Variants in NKD1 observed in about 807,000 individuals in gnomAD.
The protein encoded by NKD1 is protein naked cuticle homolog 1.
Under a neutral mutation model 56.0 loss-of-function variants are expected in NKD1, and 21 were observed. The ratio of observed to expected loss-of-function variants is 0.38; its 90% CI spans 0.27 to 0.54. The LOEUF is 0.54. Ranked by LOEUF, NKD1 falls within the 20% of genes least tolerant of loss-of-function variation. NKD1 has a pLI of 0.82. For missense variants in NKD1, 578 were observed against 642.7 expected (o/e 0.90, Z 1.09); for synonymous variants, 263 against 265.7 (o/e 0.99, Z 0.10).
At chr16:50,620,113 G>T (rs953405110) in intron 4 of NKD1, among the ~76,000 whole-genome samples, 6 of 152,404 alleles carry the variant, frequency 3.9e-5, no homozygotes, top group African/African-American at 1.4e-4. Flanking sequence ...TAAACAGCAA[G>T]TGCTTAGTCA....
intron 3 of NKD1, among the ~76,000 whole-genome samples, chr16:50,596,718 G>A (rs1961479939): frequency 6.6e-6 from 1 of 152,252 alleles, no homozygotes; most frequent in South Asian, 2.1e-4. Flanking sequence ...GATACATAAT[G>A]TGTCAGATGG....
chr16:50,578,989 G>A (rs1256772345), intron 3 of NKD1, among the ~76,000 whole-genome samples: 1 of 152,156 alleles, frequency 6.6e-6, no homozygotes, highest in African/African-American at 2.4e-5. Context: ...CATTGTGCAT[G>A]TGTTCCTGCT....
In NKD1 at chr16:50,647,163, C is replaced by T. The variant is rs1401555453; in HGVS notation, c.*13382C>T. On this transcript the variant is annotated 3_prime_UTR_variant, in exon 10 of 10. Coordinates refer to ENST00000268459, the MANE Select transcript of NKD1 (RefSeq NM_033119.5). Reference sequence around the variant, plus strand: ...GGTGGTGTGGTCTCTGTAGTTGACCCCATCATCCTTTCTGTCCATAGGTGA... The same window carrying T: ...GGTGGTGTGGTCTCTGTAGTTGACCTCATCATCCTTTCTGTCCATAGGTGA... 6.6e-6 allele frequency: 1 copy of T among 152,210 alleles called. No homozygotes were observed. The highest frequency in any genetic ancestry group is 1.5e-5 in the Non-Finnish European group (1 of 68,038). 9.4% of individuals were successfully genotyped at this position (152,210 alleles called of 1,614,324 possible). A position where few individuals can be genotyped will look rare whatever the true frequency, so the allele number is the denominator to read the frequency against.
chr16:50,595,713 G>A (rs1043891054), intron 3 of NKD1, among the ~76,000 whole-genome samples: 1 of 152,200 alleles, frequency 6.6e-6, no homozygotes, highest in Admixed American at 6.5e-5. Flanking sequence ...GGTGTGATGG[G>A]TGGAGTCACT....
rs1960755932 is a variant in NKD1 at position 50,566,234 on chromosome 16, G to C, written c.192+16679G>C. 4 of 960,662 alleles carry C rather than the reference G, an allele frequency of 4.2e-6. No individual in the cohort carries two copies. In the South Asian group the frequency reaches 1.9e-4, roughly 46 times the overall value. The allele number at this position is 960,662 out of a possible 1,614,324, so 59.5% of individuals were successfully genotyped here. On this transcript the variant is annotated intron_variant, in intron 3 of 9. Transcript: ENST00000268459. ...TCAAGTTCTTGGCTTGTGTAACCAGGGAGTGGACTTCAGTTACAGCTGGAT... is the reference window on the plus strand; with the variant it reads ...TCAAGTTCTTGGCTTGTGTAACCAGCGAGTGGACTTCAGTTACAGCTGGAT...
At chr16:50,553,987 A>G (rs751699580) in intron 3 of NKD1, 2 of 152,310 alleles carry the variant, frequency 1.3e-5, no homozygotes, top group Admixed American at 6.5e-5. Flanking sequence ...GTCCCTCAGG[A>G]TGGGTGGGTG....
chr16:50,560,017 GGT>G (rs1375567319), intron 3 of NKD1, among the ~76,000 whole-genome samples: 2 of 152,122 alleles, frequency 1.3e-5, no homozygotes, highest in African/African-American at 4.8e-5. Context: ...TGGGGGTGCT[GGT>G]GTGTGGTGCC....
chr16:50,618,840 C>T (rs562894061), intron 4 of NKD1, among the ~76,000 whole-genome samples: 15 of 152,258 alleles, frequency 9.9e-5, no homozygotes, highest in African/African-American at 3.4e-4. Context: ...CCGGGCCACA[C>T]TGGTCTTTGG....
rs138964473 is a variant in NKD1 at position 50,598,262 on chromosome 16, T to TGTGTGTGC, written c.193-10031_193-10030insTGTGTGCG. The stretch of plus-strand genomic sequence containing the variant: ...GTGTGTGTGTGTGTGTGTGTGTGTG[T>TGTGTGTGC]GCGCGCACACCTGTGCTCATGGACA... On this transcript the variant is annotated intron_variant, in intron 3 of 9. Transcript: ENST00000268459. The surrounding 1 kb of genome is among the most constrained non-coding windows in gnomAD (Gnocchi z 4.2). Among the ~76,000 whole-genome samples, 59 of 148,664 alleles carry TGTGTGTGC rather than the reference T, an allele frequency of 4.0e-4. No individual in the cohort carries two copies. The highest frequency in any genetic ancestry group is 1.3e-3 in the African/African-American group (51 of 39,156).
intron 3 of NKD1, chr16:50,557,284 T>G (rs1010367794): frequency 3.3e-5 from 5 of 152,238 alleles, no homozygotes; most frequent in Non-Finnish European, 7.3e-5. Flanking sequence ...GTGTTTTTCA[T>G]TCCACAAATA....
chr16:50,634,114 T>C lies in NKD1; in HGVS notation c.*333T>C. 4.5e-6 allele frequency: 1 copy of C among 220,980 alleles called. No homozygotes were observed. The highest frequency in any genetic ancestry group is 9.0e-5 in the East Asian group (1 of 11,146). The allele number at this position is 220,980 out of a possible 1,614,324, so 13.7% of individuals were successfully genotyped here. ...TCCCAGAGCCAGGGAGCCCTTAGCCTCAACTCTGCCCCACCCCAGCCTCTT... is the reference window on the plus strand; with the variant it reads ...TCCCAGAGCCAGGGAGCCCTTAGCCCCAACTCTGCCCCACCCCAGCCTCTT... On this transcript the variant is annotated 3_prime_UTR_variant, in exon 10 of 10. Transcript: ENST00000268459.
At position 50,642,353 on chromosome 16, in the gene NKD1, C is replaced by T. The variant is rs1962594708; in HGVS notation, c.*8572C>T. 6.6e-6 allele frequency: 1 copy of T among 152,268 alleles called. No homozygotes were observed. Among genetic ancestry groups the T allele is most frequent in the Non-Finnish European group, 1.5e-5 (1 of 68,086 alleles). The allele number at this position is 152,268 out of a possible 1,614,324, so 9.4% of individuals were successfully genotyped here. A position where few individuals can be genotyped will look rare whatever the true frequency, so the allele number is the denominator to read the frequency against. On this transcript the variant is annotated 3_prime_UTR_variant, in exon 10 of 10. Coordinates refer to ENST00000268459, the MANE Select transcript of NKD1 (RefSeq NM_033119.5). ...GCCCCAAATTCTCTGGACCTGATGT[C>T]CTAGATCCTGTGCACTTGGCTTCAT...
chr16:50,612,472 G>A lies in NKD1; in HGVS notation c.259+4112G>A, dbSNP rs187534657. 3.3e-5 allele frequency among the ~76,000 whole-genome samples: 5 copies of A among 152,346 alleles called. No individual in the cohort carries two copies. In the East Asian group the frequency reaches 7.7e-4, roughly 24 times the overall value. On this transcript the variant is annotated intron_variant, in intron 4 of 9. Coordinates refer to ENST00000268459, the MANE Select transcript of NKD1 (RefSeq NM_033119.5). The stretch of plus-strand genomic sequence containing the variant: ...TGCTGGGCCCTGGGTTCACAGGCAC[G>A]AGCAAGGTAGGCAGGCCCAGCAGTC...
intron 3 of NKD1, chr16:50,562,325 T>G: frequency 1.0e-6 from 1 of 958,904 alleles, no homozygotes; most frequent in Non-Finnish European, 1.2e-6. Flanking sequence ...TGCAGGTGCA[T>G]AGAGAAAGAT....
chr16:50,608,146 T>C, intron 3 of NKD1, 148 bp from the exon 4 acceptor site: 1 of 699,650 alleles, frequency 1.4e-6, no homozygotes, highest in Non-Finnish European at 2.6e-6. Flanking sequence ...CCTTGGCACT[T>C]AACTTTTCAG....
chr16:50,620,464 A>T (rs12596811), intron 4 of NKD1, among the ~76,000 whole-genome samples: 49,492 of 152,066 alleles, frequency 0.33, 10,179 homozygotes, highest in African/African-American at 0.55. Context: ...GAGTCTCAGC[A>T]CCTCACATGA....
At position 50,598,266 on chromosome 16, in the gene NKD1, C is replaced by CGCGCGCGT. The variant is rs1249926442; in HGVS notation, c.193-10026_193-10025insGCGCGTGC. The stretch of plus-strand genomic sequence containing the variant: ...GTGTGTGTGTGTGTGTGTGTGTGCG[C>CGCGCGCGT]GCACACCTGTGCTCATGGACACTCT... On this transcript the variant is annotated intron_variant, in intron 3 of 9. Transcript: ENST00000268459. The surrounding 1 kb of genome is among the most constrained non-coding windows in gnomAD (Gnocchi z 4.2). Among the ~76,000 whole-genome samples the CGCGCGCGT allele has an allele frequency of 6.3e-4, 84 of 133,854 alleles. No homozygotes were observed. The highest frequency in any genetic ancestry group is 4.5e-5 in the Non-Finnish European group (3 of 66,046). 87.8% of individuals were successfully genotyped at this position (133,854 alleles called of 152,430 possible). A position where few individuals can be genotyped will look rare whatever the true frequency, so the allele number is the denominator to read the frequency against.
chr16:50,551,474 G>A (rs1160816547), intron 3 of NKD1, among the ~76,000 whole-genome samples: 1 of 152,226 alleles, frequency 6.6e-6, no homozygotes, highest in Non-Finnish European at 1.5e-5. Context: ...AGGGTGGGCC[G>A]CAGCCATCAA....
chr16:50,603,357 G>C (rs1961639663), intron 3 of NKD1, among the ~76,000 whole-genome samples: 1 of 152,230 alleles, frequency 6.6e-6, no homozygotes, highest in African/African-American at 2.4e-5. Context: ...AAGGCCTTGA[G>C]AGCGCCTGGC....
Sources: gnomAD v4.1 joint callset for allele counts (sites outside exome capture counted in the v4.1 genomes callset) on GRCh38, gnomAD v4.1.1 for gene constraint, Gnocchi (gnomAD v3.1) non-coding constraint, MANE v1.5 for transcripts, NCBI Gene and HGNC (gene_info 2026-07-23, HGNC 2026-07-21) for gene names.